The following EYS variants were observed in gnomAD, a reference collection of about 807,000 sequenced individuals.
EYS encodes EGF-like photoreceptor maintenance factor.
A neutral mutation model predicts 282.1 loss-of-function variants in EYS; 250 were observed. That is an observed-to-expected ratio of 0.89 (90% confidence interval 0.80 to 0.98). EYS has a LOEUF of 0.98. EYS is among the 50% of genes least tolerant of loss of function. The probability of loss-of-function intolerance (pLI) is 0.00; values close to 1 mark genes in which losing one functional copy is unlikely to be tolerated. For synonymous variants in EYS, 1,355 were observed against 1,282.9 expected, an observed-to-expected ratio of 1.06 and a Z score of -1.20; for missense variants, 4,016 against 3,709.0, an observed-to-expected ratio of 1.08 and a Z score of -2.15.
intron 31 of EYS, among the ~76,000 whole-genome samples, chr6:64,126,974 G>A (rs1475744435): frequency 6.6e-6 from 1 of 152,068 alleles, no homozygotes; most frequent in East Asian, 1.9e-4. Context: ...ATGGTTATGG[G>A]TTAGAGATGA....
rs540222313 is a variant in EYS, at chr6:64,697,350, C to A, written c.3444-71105G>T. The stretch of plus-strand genomic sequence containing the variant: ...GGGATCAATATAACAACCCAAAATA[C>A]ATATGCACCCCAAACTGGAGAACCC... On this transcript the variant is annotated intron_variant, in intron 22 of 42. Transcript: ENST00000503581. 3.3e-5 allele frequency among the ~76,000 whole-genome samples: 5 copies of A among 152,190 alleles called. No individual in the cohort carries two copies. The East Asian group carries it at 9.7e-4, about 29-fold the overall frequency.
Position 63,813,729 on chromosome 6 carries a change from G to A in EYS, c.7229-7357C>T, listed in dbSNP as rs577559962. Among the ~76,000 whole-genome samples the A allele has an allele frequency of 8.5e-4, 129 of 152,220 alleles. 1 individual carries two copies. Among genetic ancestry groups the A allele is most frequent in the Admixed American group, 1.7e-3 (26 of 15,288 alleles). On this transcript the variant is annotated intron_variant, in intron 36 of 42. Transcript: ENST00000503581. ...ACCTCAGCAGAGTGGACACCAGGGA[G>A]CGCTGAGCTAGTGAAAATCCAATTC...
chr6:65,681,358 T>C (rs1363835132), intron 1 of EYS, among the ~76,000 whole-genome samples: 3 of 152,014 alleles, frequency 2.0e-5, no homozygotes, highest in African/African-American at 7.2e-5. Flanking sequence ...TTAGGAGTTG[T>C]ATTCCAGGAA....
At chr6:64,260,050 G>C (rs969750587) in intron 30 of EYS, among the ~76,000 whole-genome samples, 5 of 152,012 alleles carry the variant, frequency 3.3e-5, no homozygotes, top group Admixed American at 2.6e-4. Context: ...TTAGCGTTAA[G>C]TATGTAAATG....
intron 12 of EYS, among the ~76,000 whole-genome samples, chr6:65,238,203 TACTA>T (rs2150273660): frequency 6.6e-6 from 1 of 151,132 alleles, no homozygotes; most frequent in East Asian, 1.9e-4. Flanking sequence ...TACTCTCAAA[TACTA>T]TTATGTAAAG....
chr6:65,599,767 CT>C (rs1265945137), intron 2 of EYS, among the ~76,000 whole-genome samples: 1 of 151,948 alleles, frequency 6.6e-6, no homozygotes, highest in Non-Finnish European at 1.5e-5. Flanking sequence ...TAGTTTTTGT[CT>C]CCTTAAGATA....
intron 26 of EYS, among the ~76,000 whole-genome samples, chr6:64,461,962 T>G (rs1487760353): frequency 6.6e-6 from 1 of 152,142 alleles, no homozygotes; most frequent in East Asian, 1.9e-4. Context: ...AAAAAAGCAA[T>G]AAATTTCCCT....
At chr6:65,122,154 C>A (rs1018192709) in intron 12 of EYS, among the ~76,000 whole-genome samples, 1 of 151,604 alleles carries the variant, frequency 6.6e-6, no homozygotes, top group South Asian at 2.1e-4. Context: ...TATCAGAATC[C>A]CAAAAAATTG....
At chr6:65,644,489 C>A (rs1361864147) in intron 1 of EYS, among the ~76,000 whole-genome samples, 1 of 152,092 alleles carries the variant, frequency 6.6e-6, no homozygotes, top group Non-Finnish European at 1.5e-5. Context: ...GGAAAACATA[C>A]CTGAGAGAAC....
chr6:64,317,850 T>A (rs1225711154), intron 29 of EYS, among the ~76,000 whole-genome samples: 2 of 152,088 alleles, frequency 1.3e-5, no homozygotes, highest in Non-Finnish European at 2.9e-5. Context: ...TATGCAGCCA[T>A]GAAAAACATG....
At chr6:64,585,799 T>C (rs1449628062) in intron 26 of EYS, among the ~76,000 whole-genome samples, 1 of 152,168 alleles carries the variant, frequency 6.6e-6, no homozygotes, top group Non-Finnish European at 1.5e-5. Context: ...TTCTTGGTTA[T>C]ACTTTTGCAC....
intron 12 of EYS, among the ~76,000 whole-genome samples, chr6:65,273,003 T>A (rs1238299046): frequency 6.6e-6 from 1 of 152,074 alleles, no homozygotes; most frequent in Non-Finnish European, 1.5e-5. Flanking sequence ...TACTTGAACA[T>A]AAACACTGCA....
intron 12 of EYS, among the ~76,000 whole-genome samples, chr6:65,259,085 T>C (rs1767547530): frequency 6.6e-6 from 1 of 152,086 alleles, no homozygotes; most frequent in Non-Finnish European, 1.5e-5. Context: ...TTCATAAAGA[T>C]TTAAAATGAC....
chr6:65,561,528 C>CACATTTGGGAGACACACTCCCA (rs1769058166), intron 2 of EYS, among the ~76,000 whole-genome samples: 1 of 152,000 alleles, frequency 6.6e-6, no homozygotes, highest in Admixed American at 6.6e-5. Context: ...GTATCACATT[C>CACATTTGGGAGACACACTCCCA]GTGTGTCTCA....
intron 2 of EYS, among the ~76,000 whole-genome samples, chr6:65,586,132 G>A (rs1266972959): frequency 6.6e-6 from 1 of 151,988 alleles, no homozygotes; most frequent in Admixed American, 6.6e-5. Flanking sequence ...GAGGTTGGGA[G>A]AGAGGGTATC....
intron 12 of EYS, among the ~76,000 whole-genome samples, chr6:65,195,513 G>A (rs1387260112): frequency 3.3e-5 from 5 of 151,884 alleles, no homozygotes; most frequent in Non-Finnish European, 2.9e-5. Context: ...TCTTTAAAAA[G>A]AACTCACAGT....
intron 5 of EYS, among the ~76,000 whole-genome samples, chr6:65,452,129 C>A (rs1314136236): frequency 6.6e-6 from 1 of 151,630 alleles, no homozygotes; most frequent in East Asian, 1.9e-4. Context: ...TATGACCTCA[C>A]ACTTAGTGTG....
intron 15 of EYS, among the ~76,000 whole-genome samples, chr6:64,932,819 C>T (rs1186426768): frequency 6.6e-6 from 1 of 151,868 alleles, no homozygotes; most frequent in Non-Finnish European, 1.5e-5. Flanking sequence ...TAGCTGACCA[C>T]TAAGTTAATC....
chr6:65,005,604 C>T lies in EYS; in HGVS notation c.2138-7901G>A, dbSNP rs566687874. ...GAGGAAAATACCGGGCACCTGTCCG[C>T]CAGTTAAAAACGATTAGCATGGCCG... On this transcript the variant is annotated intron_variant, in intron 13 of 42. Transcript: ENST00000503581. Among the ~76,000 whole-genome samples, 38 of 147,614 alleles carry T rather than the reference C, an allele frequency of 2.6e-4. 4 individuals carry two copies. The highest frequency in any genetic ancestry group is 4.9e-4 in the Non-Finnish European group (32 of 65,898).
Sources: gnomAD v4.1 joint callset for allele counts (sites outside exome capture counted in the v4.1 genomes callset) on GRCh38, gnomAD v4.1.1 for gene constraint, MANE v1.5 for transcripts, NCBI Gene and HGNC (gene_info 2026-07-23, HGNC 2026-07-21) for gene names.